Variants in MTUS2 observed in about 807,000 individuals in gnomAD.
MTUS2 encodes the protein microtubule-associated tumor suppressor candidate 2.
A neutral mutation model predicts 114.1 loss-of-function variants in MTUS2; 40 were observed. That is an observed-to-expected ratio of 0.35 (90% confidence interval 0.27 to 0.46). The LOEUF (loss-of-function observed/expected upper bound fraction) is 0.46. Ranked by LOEUF, MTUS2 falls within the 20% of genes least tolerant of loss-of-function variation. The pLI is 1.00. For synonymous variants in MTUS2, 688 were observed against 672.0 expected, an observed-to-expected ratio of 1.02 and a Z score of -0.37; for missense variants, 1,679 against 1,705.4, an observed-to-expected ratio of 0.98 and a Z score of 0.27.
chr13:29,418,600 C>T (rs1016066490), intron 8 of MTUS2, among the ~76,000 whole-genome samples: 3 of 152,196 alleles, frequency 2.0e-5, no homozygotes, highest in African/African-American at 7.2e-5. Context: ...AGTAACCATA[C>T]ATATCTTGCC....
chr13:29,234,787 A>C (rs1048857003), intron 5 of MTUS2, among the ~76,000 whole-genome samples: 2 of 152,076 alleles, frequency 1.3e-5, no homozygotes, highest in African/African-American at 2.4e-5. Flanking sequence ...CTATTCTCAC[A>C]GATTTATCCT....
At chr13:29,382,558 T>C (rs913899737) in intron 8 of MTUS2, among the ~76,000 whole-genome samples, 5 of 152,176 alleles carry the variant, frequency 3.3e-5, no homozygotes, top group Non-Finnish European at 7.3e-5. Flanking sequence ...GTTTACGAAC[T>C]GAGTTCTTAG....
intron 8 of MTUS2, among the ~76,000 whole-genome samples, chr13:29,419,749 A>G (rs997936446): frequency 2.6e-5 from 4 of 152,214 alleles, no homozygotes; most frequent in Admixed American, 6.5e-5. Flanking sequence ...CTTCTTCAGG[A>G]CACATGTAGA....
intron 5 of MTUS2, among the ~76,000 whole-genome samples, chr13:29,141,861 A>AT (rs370911804): frequency 0.03 from 4,308 of 142,338 alleles, 114 homozygotes; most frequent in African/African-American, 0.069. Flanking sequence ...TGGGGATCTA[A>AT]TTTTTTTTTT....
At chr13:29,156,516 A>T (rs1264008730) in intron 5 of MTUS2, among the ~76,000 whole-genome samples, 1 of 152,104 alleles carries the variant, frequency 6.6e-6, no homozygotes, top group Non-Finnish European at 1.5e-5. Context: ...GATGAGGGGA[A>T]GCAGTGCCAA....
At chr13:29,052,459 C>CAA (rs11325314) in intron 4 of MTUS2, among the ~76,000 whole-genome samples, 58 of 94,814 alleles carry the variant, frequency 6.1e-4, no homozygotes, top group African/African-American at 9.5e-4. Context: ...CTAGCCTGAG[C>CAA]AAAAAAAAAA....
chr13:29,492,212 GA>G lies in MTUS2; in HGVS notation c.3506-433del, dbSNP rs1468546161. 6.8e-3 allele frequency among the ~76,000 whole-genome samples: 19 copies of G among 2,788 alleles called. 2 individuals carry two copies. Among genetic ancestry groups the G allele is most frequent in the African/African-American group, 0.023 (18 of 786 alleles). The allele number at this position is 2,788 out of a possible 152,430, so 1.8% of individuals were successfully genotyped here. A position where few individuals can be genotyped will look rare whatever the true frequency, so the allele number is the denominator to read the frequency against. On this transcript the variant is annotated intron_variant, in intron 11 of 15. Transcript: ENST00000612955. ...GTGTATGTGTGTGTGGTGTGTATGT[GA>G]TGTGTGGTAGGTGTGTATGTGTGTG...
At chr13:29,440,108 T>G in intron 9 of MTUS2, 59 bp downstream of exon 9, 2 of 1,506,872 alleles carry the variant, frequency 1.3e-6, no homozygotes, top group Non-Finnish European at 1.8e-6. Flanking sequence ...TTCCTGTGAA[T>G]GTGTACCAAA....
chr13:29,495,206 A>G (rs1322811616), intron 12 of MTUS2, among the ~76,000 whole-genome samples: 1 of 138,182 alleles, frequency 7.2e-6, no homozygotes, highest in African/African-American at 2.7e-5. Flanking sequence ...AAAAAAAAAA[A>G]CTTAAGTCAG....
At chr13:28,916,495 T>C (rs1335375225) in intron 2 of MTUS2, among the ~76,000 whole-genome samples, 1 of 151,902 alleles carries the variant, frequency 6.6e-6, no homozygotes, top group African/African-American at 2.4e-5. Flanking sequence ...ATAGTTTTTA[T>C]TGTAGAGATC....
intron 5 of MTUS2, among the ~76,000 whole-genome samples, chr13:29,173,660 C>T (rs1307365671): frequency 6.6e-6 from 1 of 152,070 alleles, no homozygotes; most frequent in Non-Finnish European, 1.5e-5. Flanking sequence ...TATTGATTCT[C>T]TCCTGGAGAT....
intron 8 of MTUS2, among the ~76,000 whole-genome samples, chr13:29,365,712 C>T (rs759495754): frequency 6.6e-6 from 1 of 152,116 alleles, no homozygotes; most frequent in Admixed American, 6.5e-5. Flanking sequence ...TCAGCATAGC[C>T]TTCCTGTAGC....
chr13:29,158,358 C>CCCCCCCCTTTCCTTT, intron 5 of MTUS2, among the ~76,000 whole-genome samples: 1 of 32,048 alleles, frequency 3.1e-5, no homozygotes, highest in Non-Finnish European at 5.1e-5. Flanking sequence ...GTCCACCCCG[C>CCCCCCCCTTTCCTTT]TTTTTTTTTT....
chr13:29,368,008 G>A (rs1258916202), intron 8 of MTUS2, among the ~76,000 whole-genome samples: 5 of 147,516 alleles, frequency 3.4e-5, no homozygotes, highest in African/African-American at 1.3e-4. Context: ...GCGCTATCTC[G>A]GCTCTCTGCA....
Position 29,498,389 on chromosome 13 carries a change from C to CA in MTUS2, c.3679-27dup, listed in dbSNP as rs753780498. On this transcript the variant is annotated intron_variant, in intron 13 of 15. Transcript: ENST00000612955. Reference sequence around the variant, plus strand: ...ACTGGGTTTTGCCGGGAATCCTGGTCAACAGCTCATGGCTCTCTGCCTCTG... The same window carrying CA: ...ACTGGGTTTTGCCGGGAATCCTGGTCAAACAGCTCATGGCTCTCTGCCTCTG... The CA allele has an allele frequency of 6.2e-6, 10 of 1,612,472 alleles. 1 individual carries two copies. In the South Asian group the frequency reaches 1.1e-4, roughly 18 times the overall value.
At chr13:28,897,219 C>G (rs1348976455) in intron 2 of MTUS2, among the ~76,000 whole-genome samples, 1 of 151,898 alleles carries the variant, frequency 6.6e-6, no homozygotes, top group Non-Finnish European at 1.5e-5. Flanking sequence ...AAAAACAATC[C>G]CATCAACAAG....
chr13:29,455,175 G>C (rs1173983272), intron 9 of MTUS2, among the ~76,000 whole-genome samples: 2 of 152,242 alleles, frequency 1.3e-5, no homozygotes, highest in African/African-American at 4.8e-5. Flanking sequence ...CTAGCTACTA[G>C]TGGGGTGAGC....
At chr13:29,454,894 C>G (rs1164842279) in intron 9 of MTUS2, among the ~76,000 whole-genome samples, 1 of 152,152 alleles carries the variant, frequency 6.6e-6, no homozygotes, top group African/African-American at 2.4e-5. Flanking sequence ...TGCTTCTAGC[C>G]ATAATAGCAT....
At chr13:29,126,467 C>G (rs1891521181) in intron 5 of MTUS2, among the ~76,000 whole-genome samples, 1 of 152,176 alleles carries the variant, frequency 6.6e-6, no homozygotes, top group Admixed American at 6.5e-5. Flanking sequence ...TTTAGCTCTG[C>G]TTTCCTGTTT....
Sources: allele counts gnomAD v4.1 joint callset (sites outside exome capture counted in the v4.1 genomes callset), GRCh38; gene constraint gnomAD v4.1.1; transcripts MANE v1.5; gene names NCBI Gene and HGNC (gene_info 2026-07-23, HGNC 2026-07-21).